TMEM117: variants seen among roughly 807,000 people sequenced by gnomAD.
TMEM117 encodes transmembrane protein 117.
TMEM117 carries 27 observed loss-of-function variants against 52.4 expected under a neutral mutation model. The observed-to-expected ratio is 0.51, with a 90% CI of 0.38 to 0.71. The LOEUF (loss-of-function observed/expected upper bound fraction) is 0.71. Among genes scored for constraint, TMEM117 ranks in the 30% least tolerant of loss-of-function variants. TMEM117 has a pLI of 0.00. For missense variants in TMEM117, 556 were observed against 630.5 expected (o/e 0.88, Z 1.26); for synonymous variants, 215 against 206.3 (o/e 1.04, Z -0.36).
At chr12:44,241,857 C>A (rs886779410) in intron 5 of TMEM117, among the ~76,000 whole-genome samples, 1 of 151,958 alleles carries the variant, frequency 6.6e-6, no homozygotes, top group African/African-American at 2.4e-5. Context: ...TCTTTCTATG[C>A]ATACTAAATT....
chr12:43,983,072 G>A (rs1264278903), intron 3 of TMEM117, among the ~76,000 whole-genome samples: 2 of 152,160 alleles, frequency 1.3e-5, no homozygotes, highest in African/African-American at 2.4e-5. Context: ...TGATCTGTGG[G>A]CCAGCAATTC....
intron 3 of TMEM117, among the ~76,000 whole-genome samples, chr12:44,048,741 G>T (rs74842261): frequency 6.6e-6 from 1 of 152,176 alleles, no homozygotes; most frequent in African/African-American, 2.4e-5. Context: ...CCAAGACAGC[G>T]TGGGTGTATT....
At chr12:43,991,959 A>G (rs1005314878) in intron 3 of TMEM117, among the ~76,000 whole-genome samples, 4 of 152,220 alleles carry the variant, frequency 2.6e-5, no homozygotes, top group Non-Finnish European at 4.4e-5. Context: ...CAGGAGTTTG[A>G]GACCAGCCTG....
At chr12:43,851,685 A>G (rs968533813) in intron 2 of TMEM117, among the ~76,000 whole-genome samples, 1 of 152,216 alleles carries the variant, frequency 6.6e-6, no homozygotes, top group Non-Finnish European at 1.5e-5. Flanking sequence ...AGAAGTAGAA[A>G]ATCAGGACCA....
chr12:44,340,657 A>G (rs1951404638), intron 6 of TMEM117, among the ~76,000 whole-genome samples: 1 of 152,112 alleles, frequency 6.6e-6, no homozygotes. Context: ...CTGAAAGAAT[A>G]TCTAGTAGTT....
intron 3 of TMEM117, among the ~76,000 whole-genome samples, chr12:44,018,122 C>T (rs1946400292): frequency 6.6e-6 from 1 of 151,972 alleles, no homozygotes; most frequent in African/African-American, 2.4e-5. Flanking sequence ...TGCAGCTGTG[C>T]CCAGACACAA....
intron 5 of TMEM117, among the ~76,000 whole-genome samples, chr12:44,217,172 G>A (rs1156284140): frequency 6.6e-6 from 1 of 152,178 alleles, no homozygotes; most frequent in Non-Finnish European, 1.5e-5. Context: ...GGAAATGTCA[G>A]GCAGAAGAGT....
chr12:44,226,984 AT>A (rs572232300), intron 5 of TMEM117, among the ~76,000 whole-genome samples: 18 of 150,570 alleles, frequency 1.2e-4, no homozygotes, highest in African/African-American at 2.2e-4. Context: ...AAAGCAACCA[AT>A]TTTTTTTTTA....
chr12:44,260,044 A>G (rs1950303696), intron 5 of TMEM117, among the ~76,000 whole-genome samples: 1 of 152,232 alleles, frequency 6.6e-6, no homozygotes, highest in Non-Finnish European at 1.5e-5. Context: ...TTCACTGGTC[A>G]GAATTGGCTG....
chr12:44,312,639 A>G (rs150758780), intron 6 of TMEM117, among the ~76,000 whole-genome samples: 264 of 152,280 alleles, frequency 1.7e-3, no homozygotes, highest in African/African-American at 6.0e-3. Flanking sequence ...CAGTGATATG[A>G]TTGCTGAGTT....
chr12:43,808,216 C>T, the TMEM117 span, among the ~76,000 whole-genome samples: 21 of 152,300 alleles, frequency 1.4e-4, no homozygotes, highest in East Asian at 3.9e-3. Context: ...TCTTCTTTTT[C>T]TCCAAATAAG....
intron 3 of TMEM117, among the ~76,000 whole-genome samples, chr12:44,057,478 CTGA>C (rs973548361): frequency 6.6e-6 from 1 of 151,872 alleles, no homozygotes; most frequent in African/African-American, 2.4e-5. Context: ...ATTTCTGTCT[CTGA>C]AAGGGAGTGA....
At chr12:44,107,993 T>C (rs998871111) in intron 3 of TMEM117, among the ~76,000 whole-genome samples, 7 of 152,120 alleles carry the variant, frequency 4.6e-5, no homozygotes, top group Non-Finnish European at 7.4e-5. Flanking sequence ...TGTATGTTTG[T>C]TTATTTTCAT....
intron 5 of TMEM117, among the ~76,000 whole-genome samples, chr12:44,240,859 A>G (rs1950052816): frequency 6.6e-6 from 1 of 152,088 alleles, no homozygotes; most frequent in African/African-American, 2.4e-5. Context: ...AGCTATATGT[A>G]TGTTCCTAGA....
chr12:43,987,841 GTCTT>G (rs1188597741), intron 3 of TMEM117, among the ~76,000 whole-genome samples: 1 of 152,080 alleles, frequency 6.6e-6, no homozygotes, highest in African/African-American at 2.4e-5. Context: ...CAAGTTATAA[GTCTT>G]TCTTGGCTTC....
chr12:43,818,361 C>G, the TMEM117 span, among the ~76,000 whole-genome samples: 1 of 151,814 alleles, frequency 6.6e-6, no homozygotes, highest in Non-Finnish European at 1.5e-5. Context: ...CAATCTGCTC[C>G]CCCCACTCCC....
intron 3 of TMEM117, among the ~76,000 whole-genome samples, chr12:44,088,319 C>T (rs56351506): frequency 0.028 from 4,271 of 152,226 alleles, 72 homozygotes; most frequent in Non-Finnish European, 0.042. Flanking sequence ...TCCCCCATAA[C>T]ACTGTGAGAT....
chr12:44,301,818 C>A (rs1950843934), intron 6 of TMEM117, among the ~76,000 whole-genome samples: 1 of 152,122 alleles, frequency 6.6e-6, no homozygotes, highest in African/African-American at 2.4e-5. Flanking sequence ...CTCTAGCTGT[C>A]AGGCCTGATT....
intron 7 of TMEM117, among the ~76,000 whole-genome samples, chr12:44,385,663 C>T (rs918451236): frequency 1.3e-5 from 2 of 152,070 alleles, no homozygotes; most frequent in African/African-American, 4.8e-5. Flanking sequence ...GACCTCTTCC[C>T]CCACCATCTG....
Sources: allele counts gnomAD v4.1 joint callset (sites outside exome capture counted in the v4.1 genomes callset), GRCh38; gene constraint gnomAD v4.1.1; transcripts MANE v1.5; gene names NCBI Gene and HGNC (gene_info 2026-07-23, HGNC 2026-07-21).